SHANK2: variants seen among roughly 807,000 people sequenced by gnomAD.
The protein encoded by SHANK2 is SH3 and multiple ankyrin repeat domains 2.
Under a neutral mutation model 133.7 loss-of-function variants are expected in SHANK2, and 43 were observed. The observed-to-expected ratio is 0.32, with a 90% CI of 0.25 to 0.41. The LOEUF is 0.41. SHANK2 is among the 10% of genes least tolerant of loss of function. The pLI, the probability that SHANK2 is intolerant of heterozygous loss-of-function variation, is 1.00. For missense variants in SHANK2, 1,994 were observed against 2,235.8 expected, an observed-to-expected ratio of 0.89 and a Z score of 2.18; for synonymous variants, 1,017 against 952.8, an observed-to-expected ratio of 1.07 and a Z score of -1.24.
chr11:71,086,326 TTA>T (rs1213165450), intron 8 of SHANK2, among the ~76,000 whole-genome samples: 14 of 120,922 alleles, frequency 1.2e-4, no homozygotes, highest in South Asian at 9.7e-4. Flanking sequence ...ATATGTTATA[TTA>T]TATATGTTAT....
Position 70,636,204 on chromosome 11 carries a change from C to T in SHANK2, c.2061+23624G>A, listed in dbSNP as rs116566496. On this transcript the variant is annotated intron_variant, in intron 17 of 25. Transcript: ENST00000601538. ...GTATATGCGTGAGCATGTGTGAATGCATGTCAGCACGTGTGTGTGTGTGAA... is the reference window on the plus strand; with the variant it reads ...GTATATGCGTGAGCATGTGTGAATGTATGTCAGCACGTGTGTGTGTGTGAA... 2.5e-3 allele frequency among the ~76,000 whole-genome samples: 377 copies of T among 152,348 alleles called. 2 individuals are homozygous for T. Among genetic ancestry groups the T allele is most frequent in the African/African-American group, 8.8e-3 (365 of 41,584 alleles).
chr11:70,733,319 AAGG>A (rs1164327738), intron 14 of SHANK2, among the ~76,000 whole-genome samples: 1 of 152,240 alleles, frequency 6.6e-6, no homozygotes, highest in Non-Finnish European at 1.5e-5. Context: ...ACACAGAAGC[AAGG>A]AGTTGATTCA....
intron 17 of SHANK2, among the ~76,000 whole-genome samples, chr11:70,565,750 G>T (rs186629379): frequency 6.6e-6 from 1 of 152,110 alleles, no homozygotes; most frequent in East Asian, 1.9e-4. Flanking sequence ...TTTTCTTTCA[G>T]TTGTTTCATG....
chr11:70,725,813 A>G (rs572669195), intron 14 of SHANK2, among the ~76,000 whole-genome samples: 21 of 152,374 alleles, frequency 1.4e-4, no homozygotes, highest in African/African-American at 5.0e-4. Context: ...ATGGTGTACA[A>G]TGAATGAAAA....
At chr11:71,143,224 G>A (rs1381523445) in intron 3 of SHANK2, among the ~76,000 whole-genome samples, 2 of 151,976 alleles carry the variant, frequency 1.3e-5, no homozygotes, top group Non-Finnish European at 2.9e-5. Context: ...GACAGGGTGA[G>A]ACTCCATCTC....
intron 17 of SHANK2, among the ~76,000 whole-genome samples, chr11:70,600,418 CAAAAAAA>C (rs56103044): frequency 1.0e-5 from 1 of 95,466 alleles, no homozygotes; most frequent in East Asian, 3.0e-4. Flanking sequence ...GACTCTGTCT[CAAAAAAA>C]AAAAAAAAAA....
In SHANK2 at chr11:70,891,976, G is replaced by A. The variant is rs374826334; in HGVS notation, c.1174+4525C>T. On this transcript the variant is annotated intron_variant, in intron 11 of 25. Transcript: ENST00000601538. ...TGGGTGAGAAGTTACTCTGAGCCCC[G>A]GCTGAGGACAGGGGTGGCCAGGACC... Among the ~76,000 whole-genome samples, 10 of 152,306 alleles carry A rather than the reference G, an allele frequency of 6.6e-5. No individual in the cohort carries two copies. In the South Asian group the frequency reaches 1.5e-3, roughly 22 times the overall value.
At chr11:70,943,010 A>C (rs1950669189) in intron 10 of SHANK2, 1 of 454,846 alleles carries the variant, frequency 2.2e-6, no homozygotes, top group African/African-American at 2.0e-5. Flanking sequence ...TCATTGTAAT[A>C]CAATACAGAA....
At chr11:70,582,653 G>A (rs1006616242) in intron 17 of SHANK2, among the ~76,000 whole-genome samples, 2 of 152,246 alleles carry the variant, frequency 1.3e-5, no homozygotes, top group Admixed American at 1.3e-4. Flanking sequence ...GTGTGGGGAT[G>A]CAGGGTCTCA....
At chr11:70,732,305 C>T (rs916674470) in intron 14 of SHANK2, among the ~76,000 whole-genome samples, 9 of 152,184 alleles carry the variant, frequency 5.9e-5, no homozygotes, top group African/African-American at 1.4e-4. Context: ...CAGACAACTC[C>T]GGACCCTTCT....
chr11:70,823,253 C>T (rs1231416293), intron 11 of SHANK2, among the ~76,000 whole-genome samples: 1 of 61,822 alleles, frequency 1.6e-5, no homozygotes, highest in Non-Finnish European at 3.0e-5. Flanking sequence ...AGAGGTGGCG[C>T]TGGCAGAGTT....
chr11:71,061,971 CTTTTTTT>C (rs1216736346), intron 9 of SHANK2, among the ~76,000 whole-genome samples: 16 of 109,556 alleles, frequency 1.5e-4, no homozygotes, highest in South Asian at 3.4e-4. Flanking sequence ...GTCTTTCTTT[CTTTTTTT>C]TTTTTTTTTT....
At chr11:70,817,086 C>T (rs782151647) in intron 12 of SHANK2, among the ~76,000 whole-genome samples, 3 of 152,242 alleles carry the variant, frequency 2.0e-5, no homozygotes, top group Non-Finnish European at 4.4e-5. Context: ...ACAGTGGCAC[C>T]TGCATGCCCC....
At chr11:70,716,634 G>A (rs61185009) in intron 14 of SHANK2, among the ~76,000 whole-genome samples, 53,738 of 151,928 alleles carry the variant, frequency 0.35, 10,494 homozygotes, top group Non-Finnish European at 0.45. Flanking sequence ...GCCCCTGGCC[G>A]TGACCTTAGC....
chr11:71,112,971 C>T (rs1460658181), intron 5 of SHANK2, among the ~76,000 whole-genome samples: 3 of 152,202 alleles, frequency 2.0e-5, no homozygotes, highest in South Asian at 4.1e-4. Context: ...ACTGTGGACC[C>T]GCTTCCCTCC....
At chr11:70,558,184 G>A (rs1253055776) in intron 17 of SHANK2, among the ~76,000 whole-genome samples, 1 of 152,180 alleles carries the variant, frequency 6.6e-6, no homozygotes, top group South Asian at 2.1e-4. Context: ...GTGTGCGAGG[G>A]GGAGCCCCCT....
At chr11:70,494,833 C>T (rs1030745737) in intron 21 of SHANK2, among the ~76,000 whole-genome samples, 2 of 152,198 alleles carry the variant, frequency 1.3e-5, no homozygotes, top group Non-Finnish European at 2.9e-5. Flanking sequence ...CACTCTCTCC[C>T]TTCATGACCA....
intron 17 of SHANK2, among the ~76,000 whole-genome samples, chr11:70,583,287 G>C (rs1025445576): frequency 3.9e-5 from 6 of 152,184 alleles, no homozygotes; most frequent in Non-Finnish European, 1.5e-5. Context: ...CTTGCTGGCA[G>C]AGGGAGCATG....
At chr11:71,220,055 C>A (rs113913720) in intron 2 of SHANK2, among the ~76,000 whole-genome samples, 9 of 151,980 alleles carry the variant, frequency 5.9e-5, no homozygotes, top group East Asian at 1.9e-4. Context: ...GAGACCCCCC[C>A]ACCCATCTCT....
Sources: gnomAD v4.1 joint callset for allele counts (sites outside exome capture counted in the v4.1 genomes callset) on GRCh38, gnomAD v4.1.1 for gene constraint, MANE v1.5 for transcripts, NCBI Gene and HGNC (gene_info 2026-07-23, HGNC 2026-07-21) for gene names.